Variants in SAMMSON observed in about 807,000 individuals in gnomAD.
SAMMSON encodes the protein survival associated mitochondrial melanoma specific oncogenic non-coding RNA.
chr3:70,301,741 T>C (rs1702350686), intron 7 of SAMMSON, among the ~76,000 whole-genome samples: 1 of 152,086 alleles, frequency 6.6e-6, no homozygotes, highest in Non-Finnish European at 1.5e-5. Flanking sequence ...CTCAAGAAGA[T>C]TTATTTATAT....
intron 7 of SAMMSON, among the ~76,000 whole-genome samples, chr3:70,328,244 G>T (rs1009570576): frequency 6.6e-5 from 10 of 152,024 alleles, no homozygotes; most frequent in African/African-American, 2.4e-4. Context: ...ATTTGGGTGG[G>T]GACACAGCCC....
intron 4 of SAMMSON, among the ~76,000 whole-genome samples, chr3:70,222,429 T>G (rs1701468084): frequency 1.3e-5 from 2 of 152,212 alleles, no homozygotes; most frequent in Non-Finnish European, 1.5e-5. Flanking sequence ...TTTTAATAAT[T>G]GGTATTTATG....
chr3:70,406,537 G>A (rs888133018), intron 2 of SAMMSON, among the ~76,000 whole-genome samples: 1 of 152,090 alleles, frequency 6.6e-6, no homozygotes, highest in African/African-American at 2.4e-5. Context: ...CCATATATTA[G>A]GAAGCTTATA....
intron 1 of SAMMSON, among the ~76,000 whole-genome samples, chr3:70,002,014 C>G (rs965759832): frequency 6.6e-6 from 1 of 152,106 alleles, no homozygotes; most frequent in African/African-American, 2.4e-5. Context: ...CAAAGACATA[C>G]AGTATATCAG....
At chr3:70,243,990 G>GT (rs1701682763) in intron 4 of SAMMSON, among the ~76,000 whole-genome samples, 1 of 152,132 alleles carries the variant, frequency 6.6e-6, no homozygotes, top group South Asian at 2.1e-4. Flanking sequence ...TCCTCACCCT[G>GT]TGATGCCTTT....
intron 4 of SAMMSON, among the ~76,000 whole-genome samples, chr3:70,145,902 A>G (rs1010115898): frequency 6.6e-6 from 1 of 151,958 alleles, no homozygotes; most frequent in Non-Finnish European, 1.5e-5. Flanking sequence ...TAAAAATATC[A>G]AGTGAAACTG....
intron 4 of SAMMSON, among the ~76,000 whole-genome samples, chr3:70,157,054 T>TA (rs1464376126): frequency 6.6e-6 from 1 of 152,090 alleles, no homozygotes; most frequent in African/African-American, 2.4e-5. Context: ...GAAAGCAGGG[T>TA]AAAAAGATAT....
chr3:70,126,051 A>G (rs565920620), intron 4 of SAMMSON: 10 of 1,033,408 alleles, frequency 9.7e-6, no homozygotes, highest in Non-Finnish European at 1.3e-5. Context: ...TTTTATTCAT[A>G]AGATGAAGGA....
intron 4 of SAMMSON, among the ~76,000 whole-genome samples, chr3:70,236,811 G>A (rs930016403): frequency 6.6e-6 from 1 of 152,068 alleles, no homozygotes; most frequent in Non-Finnish European, 1.5e-5. Context: ...GCCCAGGCTG[G>A]TCTCAAAGTC....
chr3:70,368,187 A>G (rs1387319328), intron 9 of SAMMSON, among the ~76,000 whole-genome samples: 1 of 151,488 alleles, frequency 6.6e-6, no homozygotes, highest in Non-Finnish European at 1.5e-5. Flanking sequence ...ACTCATCCTC[A>G]AATTCAAAGA....
intron 4 of SAMMSON, among the ~76,000 whole-genome samples, chr3:70,176,800 AAG>A (rs1241468161): frequency 6.6e-6 from 1 of 152,196 alleles, no homozygotes; most frequent in Non-Finnish European, 1.5e-5. Context: ...CTGGTTAAAT[AAG>A]AGTATAAAAA....
intron 6 of SAMMSON, among the ~76,000 whole-genome samples, chr3:70,280,482 C>T (rs1180825127): frequency 6.6e-6 from 1 of 152,152 alleles, no homozygotes; most frequent in African/African-American, 2.4e-5. Flanking sequence ...ATACTTTCAC[C>T]CTTGCCTCAA....
intron 3 of SAMMSON, among the ~76,000 whole-genome samples, chr3:70,055,499 C>T (rs965419704): frequency 6.6e-6 from 1 of 152,122 alleles, no homozygotes; most frequent in African/African-American, 2.4e-5. Context: ...TGAACAAGTG[C>T]ATGTTCATCC....
chr3:70,182,970 G>T (rs1323899548), intron 4 of SAMMSON, among the ~76,000 whole-genome samples: 1 of 152,012 alleles, frequency 6.6e-6, no homozygotes, highest in Non-Finnish European at 1.5e-5. Context: ...GAGAGTTAAC[G>T]CTGAAATCTG....
chr3:70,422,988 G>C (rs1160113915), intron 2 of SAMMSON, among the ~76,000 whole-genome samples: 2 of 151,710 alleles, frequency 1.3e-5, no homozygotes, highest in Non-Finnish European at 2.9e-5. Context: ...AAAATTCACA[G>C]AGTCACTTAT....
chr3:70,294,150 C>G (rs1465101969), intron 7 of SAMMSON, among the ~76,000 whole-genome samples: 3 of 152,110 alleles, frequency 2.0e-5, no homozygotes, highest in Admixed American at 2.0e-4. Context: ...CAAAATAATA[C>G]TACCCTAGCA....
In SAMMSON at chr3:70,246,874, T is replaced by C. The variant is rs143851163; in HGVS notation, n.508-2233T>C. On this transcript the variant is annotated intron_variant and non_coding_transcript_variant, in intron 4 of 9. Transcript: ENST00000642114. ...CCATCTTAAATATTTGTAAATATGT[T>C]TTCTTCTTCACAAAATAGAAATAAT... is the stretch of plus-strand genomic sequence containing the variant. Among the ~76,000 whole-genome samples the C allele has an allele frequency of 4.6e-3, 697 of 152,176 alleles. 3 individuals carry two copies. The highest frequency in any genetic ancestry group is 0.016 in the African/African-American group (658 of 41,558).
intron 3 of SAMMSON, among the ~76,000 whole-genome samples, chr3:70,040,010 G>A (rs935406061): frequency 6.6e-6 from 1 of 152,002 alleles, no homozygotes; most frequent in African/African-American, 2.4e-5. Context: ...CCATTTATTT[G>A]TTAGTATGGC....
At chr3:70,087,390 G>A (rs1004482127) in intron 4 of SAMMSON, among the ~76,000 whole-genome samples, 1 of 152,116 alleles carries the variant, frequency 6.6e-6, no homozygotes, top group African/African-American at 2.4e-5. Context: ...ATGCACTTTA[G>A]GTACATATTC....
Sources: gnomAD v4.1 joint callset for allele counts (sites outside exome capture counted in the v4.1 genomes callset) on GRCh38, gnomAD v4.1.1 for gene constraint, MANE v1.5 for transcripts, NCBI Gene and HGNC (gene_info 2026-07-23, HGNC 2026-07-21) for gene names.